The following SLC9A9 variants were observed in gnomAD, a reference collection of about 807,000 sequenced individuals.
SLC9A9 encodes sodium/hydrogen exchanger 9.
In SLC9A9, 62 loss-of-function variants were observed where a neutral mutation model predicts 77.8. That is an observed-to-expected ratio of 0.80 (90% CI 0.65 to 0.98). The LOEUF (loss-of-function observed/expected upper bound fraction) is 0.98, where lower values mean the gene tolerates loss of function less well. Among genes scored for constraint, SLC9A9 ranks in the 50% least tolerant of loss-of-function variants. SLC9A9 has a pLI of 0.00. For missense variants in SLC9A9, 775 were observed against 774.9 expected (o/e 1.00, Z 0.00); for synonymous variants, 320 against 283.5 (o/e 1.13, Z -1.29).
intron 8 of SLC9A9, among the ~76,000 whole-genome samples, chr3:143,557,172 G>A (rs2036999829): frequency 6.6e-6 from 1 of 152,086 alleles, no homozygotes; most frequent in Non-Finnish European, 1.5e-5. Context: ...GGTTTTACAT[G>A]TGTCTGGCGT....
chr3:143,803,607 CT>C (rs2008627520), intron 2 of SLC9A9, among the ~76,000 whole-genome samples: 1 of 152,114 alleles, frequency 6.6e-6, no homozygotes, highest in African/African-American at 2.4e-5. Flanking sequence ...TACTTTCACC[CT>C]GATGAAGTTC....
chr3:143,560,593 G>C lies in SLC9A9; in HGVS notation c.1001-8143C>G, dbSNP rs140114485. Among the ~76,000 whole-genome samples the C allele has an allele frequency of 3.1e-3, 472 of 152,090 alleles. 2 individuals carry two copies. Among genetic ancestry groups the C allele is most frequent in the African/African-American group, 9.7e-3 (401 of 41,512 alleles). ...AGTAATTATTATCAAGAAAATCTGA[G>C]AGGTTTTAAATTTTTTTTACTTTAC... On this transcript the variant is annotated intron_variant, in intron 8 of 15. Coordinates refer to ENST00000316549, the MANE Select transcript of SLC9A9 (RefSeq NM_173653.4).
At chr3:143,274,264 C>T in intron 14 of SLC9A9, among the ~76,000 whole-genome samples, 1 of 152,218 alleles carries the variant, frequency 6.6e-6, no homozygotes, top group East Asian at 1.9e-4. Context: ...TATCTCCATT[C>T]AGGAATACTG....
intron 12 of SLC9A9, among the ~76,000 whole-genome samples, chr3:143,438,320 C>T (rs1037522070): frequency 6.6e-6 from 1 of 152,244 alleles, no homozygotes; most frequent in Non-Finnish European, 1.5e-5. Flanking sequence ...CAACTCTCCA[C>T]TCCCCTCAAA....
intron 12 of SLC9A9, among the ~76,000 whole-genome samples, chr3:143,433,388 C>T (rs2034563633): frequency 6.6e-6 from 1 of 152,170 alleles, no homozygotes; most frequent in African/African-American, 2.4e-5. Context: ...CTTATCTCTT[C>T]AGTGGAAAAG....
intron 5 of SLC9A9, among the ~76,000 whole-genome samples, chr3:143,672,181 T>A (rs1169683745): frequency 2.4e-5 from 2 of 81,880 alleles, no homozygotes; most frequent in South Asian, 9.3e-4. Context: ...GTCAATTACA[T>A]CTTAAATTTT....
chr3:143,594,930 G>C (rs1021387223), intron 6 of SLC9A9, among the ~76,000 whole-genome samples: 11 of 152,122 alleles, frequency 7.2e-5, no homozygotes, highest in African/African-American at 2.7e-4. Context: ...ATCTGTCCTT[G>C]GCTGCTACTA....
intron 5 of SLC9A9, among the ~76,000 whole-genome samples, chr3:143,663,659 A>C (rs1424477541): frequency 1.7e-4 from 26 of 152,192 alleles, no homozygotes; most frequent in Admixed American, 1.7e-3. Context: ...CCCAAGAACT[A>C]CGTGACGCAT....
At chr3:143,479,497 C>T (rs1194433020) in intron 11 of SLC9A9, among the ~76,000 whole-genome samples, 1 of 152,168 alleles carries the variant, frequency 6.6e-6, no homozygotes, top group Non-Finnish European at 1.5e-5. Flanking sequence ...AAGCAATCCT[C>T]CCACTTTAGC....
intron 13 of SLC9A9, among the ~76,000 whole-genome samples, chr3:143,367,768 C>A (rs1028899728): frequency 3.3e-5 from 5 of 152,154 alleles, no homozygotes; most frequent in African/African-American, 1.2e-4. Context: ...TAGATGTGAG[C>A]AGTCATCACA....
At chr3:143,709,962 G>A (rs1934095084) in intron 4 of SLC9A9, among the ~76,000 whole-genome samples, 3 of 152,124 alleles carry the variant, frequency 2.0e-5, no homozygotes, top group Admixed American at 2.0e-4. Flanking sequence ...GTCATCACAG[G>A]TTTTGCTCAG....
chr3:143,432,725 T>C (rs2034543973), intron 12 of SLC9A9, among the ~76,000 whole-genome samples: 1 of 152,188 alleles, frequency 6.6e-6, no homozygotes, highest in Non-Finnish European at 1.5e-5. Flanking sequence ...CCTCCCAGGT[T>C]CAAGCGATTC....
intron 14 of SLC9A9, among the ~76,000 whole-genome samples, chr3:143,339,682 A>G (rs1476784741): frequency 6.6e-6 from 1 of 152,200 alleles, no homozygotes; most frequent in Non-Finnish European, 1.5e-5. Flanking sequence ...TTAATGACTA[A>G]AAGAGCAGAC....
intron 8 of SLC9A9, among the ~76,000 whole-genome samples, chr3:143,556,453 G>A (rs1292841289): frequency 2.0e-5 from 3 of 152,206 alleles, no homozygotes; most frequent in Non-Finnish European, 2.9e-5. Flanking sequence ...GTGGAGGAGA[G>A]AAGGGCTTGC....
intron 9 of SLC9A9, among the ~76,000 whole-genome samples, chr3:143,550,442 G>T (rs1246321544): frequency 1.3e-5 from 2 of 152,160 alleles, no homozygotes; most frequent in African/African-American, 4.8e-5. Flanking sequence ...GATCAGCTTG[G>T]CCTCTGGACT....
chr3:143,545,370 T>A (rs2165356), intron 9 of SLC9A9, among the ~76,000 whole-genome samples: 14,089 of 151,896 alleles, frequency 0.093, 858 homozygotes, highest in Non-Finnish European at 0.13. Flanking sequence ...TGTGGTTGTT[T>A]GTGCATGTGA....
chr3:143,687,097 T>A (rs551488727), intron 5 of SLC9A9, among the ~76,000 whole-genome samples: 7 of 152,216 alleles, frequency 4.6e-5, no homozygotes, highest in African/African-American at 1.7e-4. Context: ...AAGGAGGAGA[T>A]AAAATGAATC....
intron 12 of SLC9A9, among the ~76,000 whole-genome samples, chr3:143,420,573 G>A (rs2034279321): frequency 7.3e-6 from 1 of 137,250 alleles, no homozygotes; most frequent in African/African-American, 2.6e-5. Flanking sequence ...ACTTGTGTTA[G>A]GTTGTTAACC....
At chr3:143,453,399 C>A (rs2035039972) in intron 12 of SLC9A9, among the ~76,000 whole-genome samples, 1 of 151,974 alleles carries the variant, frequency 6.6e-6, no homozygotes, top group South Asian at 2.1e-4. Context: ...AGATAGCTCC[C>A]TCCCCACAAA....
Sources: gnomAD v4.1 joint callset for allele counts (sites outside exome capture counted in the v4.1 genomes callset) on GRCh38, gnomAD v4.1.1 for gene constraint, MANE v1.5 for transcripts, NCBI Gene and HGNC (gene_info 2026-07-23, HGNC 2026-07-21) for gene names.